Variants in CASP10 observed in about 807,000 individuals in gnomAD.
CASP10 encodes the protein caspase-10.
CASP10 carries 41 observed loss-of-function variants against 48.5 expected under a neutral mutation model. The ratio of observed to expected loss-of-function variants is 0.85; its 90% CI spans 0.66 to 1.10. The LOEUF (loss-of-function observed/expected upper bound fraction) is 1.10. CASP10 is among the 50% of genes least tolerant of loss of function. The pLI is 0.00. For missense variants in CASP10, 614 were observed against 614.5 expected, an observed-to-expected ratio of 1.00 and a Z score of 0.01; for synonymous variants, 232 against 238.4, an observed-to-expected ratio of 0.97 and a Z score of 0.25.
At position 201,218,356 on chromosome 2, in the gene CASP10, G is replaced by A; in HGVS notation, c.*615G>A. On this transcript the variant is annotated 3_prime_UTR_variant, in exon 10 of 10. Transcript: ENST00000286186. Reference sequence around the variant, plus strand: ...GTCACTCCGTCACCTGGGCTGGAGTGCAGTGGTGGGATCACTGTTCACTGC... The same window carrying A: ...GTCACTCCGTCACCTGGGCTGGAGTACAGTGGTGGGATCACTGTTCACTGC... 1 of 983,792 alleles carries A rather than the reference G, an allele frequency of 1.0e-6. No homozygotes were observed. The highest frequency in any genetic ancestry group is 1.2e-6 in the Non-Finnish European group (1 of 827,000). 60.9% of individuals were successfully genotyped at this position (983,792 alleles called of 1,614,324 possible).
chr2:201,213,813 G>A (rs1180084507), intron 9 of CASP10: 1 of 152,186 alleles, frequency 6.6e-6, no homozygotes, highest in Non-Finnish European at 1.5e-5. Context: ...TGCAATAAGT[G>A]ACTTTAGATC....
At chr2:201,198,723 G>A (rs1944900406) in intron 5 of CASP10, among the ~76,000 whole-genome samples, 3 of 150,706 alleles carry the variant, frequency 2.0e-5, no homozygotes, top group South Asian at 2.1e-4. Context: ...TGTATTTTTA[G>A]TAGAGACGGG....
intron 5 of CASP10, chr2:201,200,345 G>T: frequency 9.0e-7 from 1 of 1,111,300 alleles, no homozygotes; most frequent in South Asian, 1.3e-5. Context: ...TACTATGTTG[G>T]TTGTAAAACA....
intron 5 of CASP10, chr2:201,200,818 A>G: frequency 9.5e-6 from 9 of 951,404 alleles, no homozygotes; most frequent in Non-Finnish European, 1.2e-5. Context: ...AAAATCTTAA[A>G]TTGGCTTCTT....
intron 5 of CASP10, among the ~76,000 whole-genome samples, chr2:201,201,473 A>AAC (rs41484150): frequency 0.037 from 5,505 of 149,704 alleles, 124 homozygotes; most frequent in Middle Eastern, 0.094. Flanking sequence ...TGCATGTAGA[A>AAC]ACACACACAC....
intron 5 of CASP10, 68 bp from the exon 6 acceptor site, chr2:201,203,662 T>C: frequency 1.5e-6 from 2 of 1,323,846 alleles, no homozygotes; most frequent in Non-Finnish European, 2.2e-6. Flanking sequence ...GCATCAAGTC[T>C]AGTTTTTGTT....
intron 4 of CASP10, among the ~76,000 whole-genome samples, chr2:201,195,075 C>G (rs1233160343): frequency 6.7e-6 from 1 of 150,216 alleles, no homozygotes; most frequent in Non-Finnish European, 1.5e-5. Flanking sequence ...CCGCGCCCGG[C>G]TTGAGCTTTG....
At position 201,218,890 on chromosome 2, in the gene CASP10, G is replaced by A. The variant is rs1945651157; in HGVS notation, c.*1149G>A. ...GTGCTCACATAGGAAGTTTTTATTT[G>A]GTTAGAGACAGGTTTCCCTGTAGGA... On this transcript the variant is annotated 3_prime_UTR_variant, in exon 10 of 10. Transcript: ENST00000286186. The A allele has an allele frequency of 3.0e-6, 3 of 985,286 alleles. No individual in the cohort carries two copies. Among genetic ancestry groups the A allele is most frequent in the Non-Finnish European group, 3.6e-6 (3 of 829,948 alleles). 61.0% of individuals were successfully genotyped at this position (985,286 alleles called of 1,614,324 possible). A position where few individuals can be genotyped will look rare whatever the true frequency, so the allele number is the denominator to read the frequency against.
In CASP10 at chr2:201,220,784, G is replaced by T; in HGVS notation, c.*3043G>T. On this transcript the variant is annotated 3_prime_UTR_variant, in exon 10 of 10. Coordinates refer to ENST00000286186, the MANE Select transcript of CASP10 (RefSeq NM_032977.4). ...CCCAAAACCGTGTTCATAACAGTCA[G>T]GGCCAAAAGCTAGTGGTCACAGTCC... 1.0e-6 allele frequency: 1 copy of T among 985,354 alleles called. No individual in the cohort carries two copies. The highest frequency in any genetic ancestry group is 1.2e-6 in the Non-Finnish European group (1 of 829,928). 61.0% of individuals were successfully genotyped at this position (985,354 alleles called of 1,614,324 possible). A position where few individuals can be genotyped will look rare whatever the true frequency, so the allele number is the denominator to read the frequency against.
chr2:201,184,889 C>T (rs184635831), intron 1 of CASP10, among the ~76,000 whole-genome samples: 1 of 152,216 alleles, frequency 6.6e-6, no homozygotes, highest in African/African-American at 2.4e-5. Flanking sequence ...ATGGCTACTC[C>T]ATAGACAGAG....
At chr2:201,201,916 T>C (rs1216952838) in intron 5 of CASP10, among the ~76,000 whole-genome samples, 2 of 152,198 alleles carry the variant, frequency 1.3e-5, no homozygotes, top group Non-Finnish European at 2.9e-5. Context: ...TTTATTTTTT[T>C]CTCAGCCCCC....
chr2:201,218,712 TC>T lies in CASP10; in HGVS notation c.*975del. ...ACTACCCCTTAGTTATAATTCTGTG[TC>T]CCCTCTGCATGCCCTTAAACATTGG... On this transcript the variant is annotated 3_prime_UTR_variant, in exon 10 of 10. Coordinates refer to ENST00000286186, the MANE Select transcript of CASP10 (RefSeq NM_032977.4). The T allele has an allele frequency of 1.0e-6, 1 of 985,410 alleles. No homozygotes were observed. The highest frequency in any genetic ancestry group is 1.2e-6 in the Non-Finnish European group (1 of 829,950). 61.0% of individuals were successfully genotyped at this position (985,410 alleles called of 1,614,324 possible). A position where few individuals can be genotyped will look rare whatever the true frequency, so the allele number is the denominator to read the frequency against.
chr2:201,201,297 T>C (rs1441905785), intron 5 of CASP10, among the ~76,000 whole-genome samples: 1 of 152,100 alleles, frequency 6.6e-6, no homozygotes, highest in Non-Finnish European at 1.5e-5. Context: ...CCCAAAGTGC[T>C]GGGATTACAG....
chr2:201,220,809 C>T lies in CASP10; in HGVS notation c.*3068C>T. 1.0e-6 allele frequency: 1 copy of T among 985,456 alleles called. No homozygotes were observed. Among genetic ancestry groups the T allele is most frequent in the African/African-American group, 1.7e-5 (1 of 57,362 alleles). The allele number at this position is 985,456 out of a possible 1,614,324, so 61.0% of individuals were successfully genotyped here. Reference sequence around the variant, plus strand: ...GGGCCAAAAGCTAGTGGTCACAGTCCTTGTCCAGTTGGCAGAACTGACATG... The same window carrying T: ...GGGCCAAAAGCTAGTGGTCACAGTCTTTGTCCAGTTGGCAGAACTGACATG... On this transcript the variant is annotated 3_prime_UTR_variant, in exon 10 of 10. Coordinates refer to ENST00000286186, the MANE Select transcript of CASP10 (RefSeq NM_032977.4).
chr2:201,209,534 T>A lies in CASP10; in HGVS notation c.1387T>A (p.Cys463Ser), dbSNP rs773678365. ...AGGCAGCTGGTATATTCAGTCTCTG[T>A]GTAATCATCTGAAGAAATTGGTCCC... ...EEGSWYIQSL[C>S]NHLKKLVPRH... The change falls in exon 9 of 10, where the codon TGT becomes AGT. Residue 463 changes from cysteine (C) to serine (S), a missense_variant. Transcript: ENST00000286186. 4.3e-6 allele frequency: 7 copies of A among 1,610,946 alleles called. No homozygotes were observed. In the East Asian group the frequency reaches 1.6e-4, roughly 36 times the overall value.
chr2:201,185,419 A>G (rs1944381223), intron 1 of CASP10, among the ~76,000 whole-genome samples: 1 of 152,184 alleles, frequency 6.6e-6, no homozygotes, highest in South Asian at 2.1e-4. Flanking sequence ...CGTGCTGGAA[A>G]TGAATGTAAG....
At chr2:201,229,162 C>A in exon 10 of CASP10, 1 of 1,569,074 alleles carries the variant, frequency 6.4e-7, no homozygotes, top group Non-Finnish European at 8.8e-7. Flanking sequence ...AAGACGGAAA[C>A]CTCCCTTTAC....
intron 8 of CASP10, 67 bp downstream of exon 8, chr2:201,208,250 A>T (rs41419046): frequency 0.012 from 18,323 of 1,551,694 alleles, 181 homozygotes; most frequent in South Asian, 0.017. Flanking sequence ...TTATTTTCAC[A>T]TTTTCTTTCT....
chr2:201,228,920 T>C, intron 9 of CASP10: 3 of 1,613,808 alleles, frequency 1.9e-6, no homozygotes, highest in African/African-American at 1.3e-5. Flanking sequence ...TTATTTCTCT[T>C]TGTGCTCAGT....
Sources: allele counts gnomAD v4.1 joint callset (sites outside exome capture counted in the v4.1 genomes callset), GRCh38; gene constraint gnomAD v4.1.1; transcripts MANE v1.5; gene names NCBI Gene and HGNC (gene_info 2026-07-23, HGNC 2026-07-21).